The following TIAM1 variants were observed in gnomAD, a reference collection of about 807,000 sequenced individuals.
TIAM1 encodes the protein TIAM Rac1 associated GEF 1.
A neutral mutation model predicts 163.5 loss-of-function variants in TIAM1; 65 were observed. The observed-to-expected ratio is 0.40, with a 90% confidence interval of 0.33 to 0.49. The LOEUF is 0.49. Ranked by LOEUF, TIAM1 falls within the 20% of genes least tolerant of loss-of-function variation. The probability of loss-of-function intolerance (pLI) is 0.77; values close to 1 mark genes in which losing one functional copy is unlikely to be tolerated. For synonymous variants in TIAM1, 833 were observed against 810.1 expected (o/e 1.03, Z -0.48); for missense variants, 1,789 against 2,044.7 (o/e 0.87, Z 2.41).
intron 16 of TIAM1, among the ~76,000 whole-genome samples, chr21:31,163,595 A>G (rs925657127): frequency 2.6e-5 from 4 of 152,244 alleles, no homozygotes; most frequent in Non-Finnish European, 4.4e-5. Flanking sequence ...AAGATACTGA[A>G]GAATCAAATA....
At chr21:31,285,867 A>G (rs192617427) in intron 2 of TIAM1, among the ~76,000 whole-genome samples, 30 of 152,288 alleles carry the variant, frequency 2.0e-4, no homozygotes, top group South Asian at 1.0e-3. Context: ...CTCAACAAAT[A>G]AATTAATTAA....
At chr21:31,476,375 G>A (rs1350819405) in intron 1 of TIAM1, among the ~76,000 whole-genome samples, 5 of 152,172 alleles carry the variant, frequency 3.3e-5, no homozygotes, top group African/African-American at 1.2e-4. Flanking sequence ...TTGCTGGAAC[G>A]GAAGGAAGAG....
chr21:31,141,215 T>C lies in TIAM1; in HGVS notation c.3677A>G (p.Lys1226Arg). 1 of 1,614,164 alleles carries C rather than the reference T, an allele frequency of 6.2e-7. No homozygotes were observed. Among genetic ancestry groups the C allele is most frequent in the Non-Finnish European group, 8.5e-7 (1 of 1,180,020 alleles). ...CATCTCATTGATGTGACTGGCAACCTTGTTCATGGTCTTGATGGCCACTGG... is the reference window on the plus strand; with the variant it reads ...CATCTCATTGATGTGACTGGCAACCCTGTTCATGGTCTTGATGGCCACTGG... ...HLDVAIKTMN[K>R]VASHINEMQK... Residue 1226 changes from lysine to arginine, a missense_variant, in exon 22 of 28, where the codon AAG (lysine) becomes AGG (arginine). Coordinates refer to ENST00000541036, the MANE Select transcript of TIAM1 (RefSeq NM_001353694.2). The surrounding 1 kb of genome is among the most constrained non-coding windows in gnomAD (Gnocchi z 4.7).
At chr21:31,158,883 G>C (rs1451256283) in intron 16 of TIAM1, among the ~76,000 whole-genome samples, 1 of 152,106 alleles carries the variant, frequency 6.6e-6, no homozygotes, top group Admixed American at 6.5e-5. Context: ...TTGGGTTCAA[G>C]GCTTTGCCCC....
intron 1 of TIAM1, among the ~76,000 whole-genome samples, chr21:31,525,043 G>A (rs2047732314): frequency 6.6e-6 from 1 of 152,040 alleles, no homozygotes; most frequent in Non-Finnish European, 1.5e-5. Flanking sequence ...AGCATGTCAC[G>A]TGGCAAGGAG....
intron 6 of TIAM1, among the ~76,000 whole-genome samples, chr21:31,226,611 T>C (rs965254139): frequency 6.6e-6 from 1 of 152,140 alleles, no homozygotes; most frequent in African/African-American, 2.4e-5. Context: ...CTGCATGGGA[T>C]TGGTGTGACT....
At chr21:31,299,627 G>A (rs1321046339) in intron 2 of TIAM1, among the ~76,000 whole-genome samples, 1 of 152,286 alleles carries the variant, frequency 6.6e-6, no homozygotes, top group African/African-American at 2.4e-5. Flanking sequence ...GTTCCTAGAC[G>A]ACAGCAGTCT....
chr21:31,159,874 A>G (rs1053947794), intron 16 of TIAM1, among the ~76,000 whole-genome samples: 4 of 152,226 alleles, frequency 2.6e-5, no homozygotes, highest in Non-Finnish European at 5.9e-5. Context: ...GTAGGAATAG[A>G]CCTGTTCAAA....
intron 5 of TIAM1, among the ~76,000 whole-genome samples, chr21:31,246,991 T>C (rs2071535613): frequency 6.6e-6 from 1 of 152,206 alleles, no homozygotes; most frequent in African/African-American, 2.4e-5. Context: ...TTGCTTCTTT[T>C]TTCAAAGGTA....
intron 13 of TIAM1, among the ~76,000 whole-genome samples, chr21:31,190,774 G>C (rs986854928): frequency 1.3e-5 from 2 of 152,216 alleles, no homozygotes; most frequent in Non-Finnish European, 2.9e-5. Flanking sequence ...AGGCAAGAGA[G>C]AGAAATTAAG....
intron 2 of TIAM1, among the ~76,000 whole-genome samples, chr21:31,327,190 A>G (rs527762029): frequency 6.6e-6 from 1 of 152,288 alleles, no homozygotes; most frequent in South Asian, 2.1e-4. Flanking sequence ...TGCAGGGAGG[A>G]GGAGCTTTCT....
intron 2 of TIAM1, among the ~76,000 whole-genome samples, chr21:31,351,074 T>G (rs2076226539): frequency 6.6e-6 from 1 of 152,206 alleles, no homozygotes; most frequent in Non-Finnish European, 1.5e-5. Context: ...GCTGCCATCT[T>G]CCCTAATGTA....
At chr21:31,438,380 C>T (rs926613885) in intron 2 of TIAM1, among the ~76,000 whole-genome samples, 20 of 151,558 alleles carry the variant, frequency 1.3e-4, no homozygotes, top group Non-Finnish European at 4.4e-5. Context: ...TTAGTAGAGA[C>T]AGGGTTTTGC....
At chr21:31,281,270 G>T (rs2073553942) in intron 2 of TIAM1, among the ~76,000 whole-genome samples, 1 of 151,998 alleles carries the variant, frequency 6.6e-6, no homozygotes, top group East Asian at 1.9e-4. Flanking sequence ...GTGACTTTTG[G>T]ATAGTAAATT....
intron 2 of TIAM1, among the ~76,000 whole-genome samples, chr21:31,398,077 A>G (rs1243792974): frequency 1.6e-5 from 2 of 127,088 alleles, no homozygotes; most frequent in Non-Finnish European, 3.2e-5. Context: ...ACCTCCCCCA[A>G]CCTCCCCTCT....
chr21:31,501,121 C>T (rs761952397), intron 1 of TIAM1, among the ~76,000 whole-genome samples: 3 of 151,942 alleles, frequency 2.0e-5, no homozygotes, highest in Non-Finnish European at 2.9e-5. Flanking sequence ...ATATTGGACT[C>T]GCCACCATTT....
chr21:31,205,361 T>G (rs111879643), intron 11 of TIAM1, among the ~76,000 whole-genome samples: 2 of 146,306 alleles, frequency 1.4e-5, no homozygotes, highest in African/African-American at 5.6e-5. Context: ...TCATCATCAT[T>G]AATAAACACT....
intron 9 of TIAM1, among the ~76,000 whole-genome samples, chr21:31,216,250 T>C (rs960697024): frequency 7.2e-5 from 11 of 152,132 alleles, no homozygotes; most frequent in African/African-American, 2.7e-4. Context: ...TCAGGACTAA[T>C]CTCTTTTCTA....
At chr21:31,188,623 G>C (rs2085408421) in intron 13 of TIAM1, among the ~76,000 whole-genome samples, 1 of 152,164 alleles carries the variant, frequency 6.6e-6, no homozygotes, top group Admixed American at 6.5e-5. Context: ...CCCCCAGGCT[G>C]GAATGCAGTG....
Sources: gnomAD v4.1 joint callset for allele counts (sites outside exome capture counted in the v4.1 genomes callset) on GRCh38, gnomAD v4.1.1 for gene constraint, Gnocchi (gnomAD v3.1) non-coding constraint, MANE v1.5 for transcripts, NCBI Gene and HGNC (gene_info 2026-07-23, HGNC 2026-07-21) for gene names.